Variants in RSRC1 observed in about 807,000 individuals in gnomAD.
RSRC1 encodes serine/Arginine-related protein 53.
Under a neutral mutation model 49.1 loss-of-function variants are expected in RSRC1, and 39 were observed. That is an observed-to-expected ratio of 0.79 (90% CI 0.61 to 1.04). RSRC1 has a LOEUF of 1.04. Ranked by LOEUF, RSRC1 falls within the 50% of genes least tolerant of loss-of-function variation. The pLI is 0.00. For synonymous variants in RSRC1, 143 were observed against 130.8 expected, an observed-to-expected ratio of 1.09 and a Z score of -0.63; for missense variants, 388 against 402.4, an observed-to-expected ratio of 0.96 and a Z score of 0.31.
At chr3:158,422,209 A>G (rs1482785395) in intron 6 of RSRC1, among the ~76,000 whole-genome samples, 7 of 135,588 alleles carry the variant, frequency 5.2e-5, no homozygotes, top group Non-Finnish European at 8.0e-5. Flanking sequence ...ATATCTCCCA[A>G]TGCTATCCCT....
chr3:158,214,389 G>A (rs1721843388), intron 4 of RSRC1, among the ~76,000 whole-genome samples: 1 of 151,400 alleles, frequency 6.6e-6, no homozygotes, highest in African/African-American at 2.4e-5. Context: ...ATTTTTTGGG[G>A]TTCATTGATA....
chr3:158,140,807 A>AG (rs1241856353), intron 3 of RSRC1, among the ~76,000 whole-genome samples: 17 of 152,342 alleles, frequency 1.1e-4, no homozygotes, highest in African/African-American at 3.8e-4. Flanking sequence ...AAGATTAAAA[A>AG]GAAACATTGT....
intron 5 of RSRC1, among the ~76,000 whole-genome samples, chr3:158,320,036 A>C (rs1728674384): frequency 6.6e-6 from 1 of 152,182 alleles, no homozygotes; most frequent in African/African-American, 2.4e-5. Flanking sequence ...ATTGATGTAA[A>C]ATAGCATTGT....
chr3:158,117,531 A>G (rs1055973922), intron 1 of RSRC1, among the ~76,000 whole-genome samples: 5 of 152,122 alleles, frequency 3.3e-5, no homozygotes, highest in African/African-American at 4.8e-5. Context: ...GGTTCAAGCA[A>G]TCCACCCACT....
chr3:158,455,553 A>G (rs80120197), intron 6 of RSRC1, among the ~76,000 whole-genome samples: 2,890 of 152,252 alleles, frequency 0.019, 108 homozygotes, highest in African/African-American at 0.066. Flanking sequence ...TTCTGGTGAT[A>G]TACTACCAGT....
chr3:158,479,259 TAATATAA>T (rs1174848490), intron 7 of RSRC1, among the ~76,000 whole-genome samples: 1 of 147,850 alleles, frequency 6.8e-6, no homozygotes, highest in East Asian at 1.9e-4. Context: ...TAATTAAATA[TAATATAA>T]AATATAAATT....
intron 3 of RSRC1, among the ~76,000 whole-genome samples, chr3:158,152,763 A>G (rs1384421960): frequency 6.6e-6 from 1 of 152,168 alleles, no homozygotes; most frequent in African/African-American, 2.4e-5. Context: ...TTGATCCTGT[A>G]GTCTTGTAGT....
rs998449741 is a variant in RSRC1 at position 158,146,082 on chromosome 3, G to C, written c.320+22091G>C. On this transcript the variant is annotated intron_variant, in intron 3 of 9. Coordinates refer to ENST00000611884, the MANE Select transcript of RSRC1 (RefSeq NM_001271838.2). The stretch of plus-strand genomic sequence containing the variant: ...CAATCATGTCATCTGCAAACAGGGA[G>C]AATTTGACTTCTCTTTTCCTAATTG... Among the ~76,000 whole-genome samples the C allele has an allele frequency of 2.6e-5, 4 of 152,058 alleles. No individual in the cohort carries two copies. In the East Asian group the frequency reaches 7.7e-4, roughly 29 times the overall value.
intron 4 of RSRC1, among the ~76,000 whole-genome samples, chr3:158,214,946 C>T (rs1433889934): frequency 6.6e-6 from 1 of 151,806 alleles, no homozygotes; most frequent in Non-Finnish European, 1.5e-5. Context: ...AATTTTCTAT[C>T]TCTTGGCTTA....
intron 5 of RSRC1, among the ~76,000 whole-genome samples, chr3:158,311,271 A>G (rs569722399): frequency 3.9e-5 from 6 of 152,022 alleles, no homozygotes; most frequent in African/African-American, 1.4e-4. Flanking sequence ...TGTACTGCTT[A>G]TATAGTCCCT....
chr3:158,286,197 A>T (rs1358961574), intron 4 of RSRC1, among the ~76,000 whole-genome samples: 1 of 152,134 alleles, frequency 6.6e-6, no homozygotes, highest in Non-Finnish European at 1.5e-5. Context: ...TAAGGAGTAA[A>T]GGAATGTTGT....
chr3:158,183,300 A>T (rs897296429), intron 3 of RSRC1, among the ~76,000 whole-genome samples: 2 of 152,042 alleles, frequency 1.3e-5, no homozygotes, highest in Non-Finnish European at 2.9e-5. Context: ...TATTTTTTCA[A>T]TGCTAAGTTC....
chr3:158,272,847 A>G (rs558503803), intron 4 of RSRC1, among the ~76,000 whole-genome samples: 26 of 152,044 alleles, frequency 1.7e-4, no homozygotes, highest in Non-Finnish European at 2.9e-4. Context: ...AGTTATTTAC[A>G]TTTTCTACCC....
intron 5 of RSRC1, among the ~76,000 whole-genome samples, chr3:158,326,106 T>G (rs1578339940): frequency 2.0e-5 from 3 of 152,200 alleles, no homozygotes; most frequent in Non-Finnish European, 2.9e-5. Flanking sequence ...CTGAAGTTGC[T>G]TATCAGCTTA....
At chr3:158,324,436 A>T (rs1005405582) in intron 5 of RSRC1, among the ~76,000 whole-genome samples, 3 of 151,848 alleles carry the variant, frequency 2.0e-5, no homozygotes, top group African/African-American at 7.3e-5. Context: ...CCTGTGTCCA[A>T]GTGTTCTCAT....
intron 6 of RSRC1, among the ~76,000 whole-genome samples, chr3:158,359,003 G>A (rs1249121715): frequency 6.6e-6 from 1 of 151,802 alleles, no homozygotes; most frequent in Non-Finnish European, 1.5e-5. Flanking sequence ...TTATTCTATT[G>A]TGAGTACATT....
At chr3:158,506,849 A>T (rs1578555824) in intron 7 of RSRC1, among the ~76,000 whole-genome samples, 1 of 148,704 alleles carries the variant, frequency 6.7e-6, no homozygotes, top group African/African-American at 2.4e-5. Context: ...ATATATGTAT[A>T]TATTTATATA....
At chr3:158,521,043 C>T (rs970886976) in intron 7 of RSRC1, among the ~76,000 whole-genome samples, 3 of 152,114 alleles carry the variant, frequency 2.0e-5, no homozygotes, top group African/African-American at 4.8e-5. Context: ...TGGATTAATA[C>T]ATTTTCTGCC....
rs1397076846 is a variant in RSRC1, at chr3:158,477,795, GATTTATAT to G, written c.652+16795_652+16802del. ...TGGTGATGGGATAGGTTGCGGGAGG[GATTTATAT>G]ATATATATATATATATATATATATG... On this transcript the variant is annotated intron_variant, in intron 7 of 9. Transcript: ENST00000611884. Among the ~76,000 whole-genome samples the G allele has an allele frequency of 2.1e-3, 65 of 31,166 alleles. 5 individuals are homozygous for G. Among genetic ancestry groups the G allele is most frequent in the African/African-American group, 9.5e-3 (61 of 6,400 alleles). 20.4% of individuals were successfully genotyped at this position (31,166 alleles called of 152,430 possible).
Sources: gnomAD v4.1 joint callset for allele counts (sites outside exome capture counted in the v4.1 genomes callset) on GRCh38, gnomAD v4.1.1 for gene constraint, MANE v1.5 for transcripts, NCBI Gene and HGNC (gene_info 2026-07-23, HGNC 2026-07-21) for gene names.